KANK1: variants seen among roughly 807,000 people sequenced by gnomAD.
KANK1 encodes the protein KN motif and ankyrin repeat domain-containing protein 1.
Under a neutral mutation model 106.2 loss-of-function variants are expected in KANK1, and 109 were observed. The observed-to-expected ratio is 1.03, with a 90% confidence interval of 0.88 to 1.20. The LOEUF is 1.20. Ranked by LOEUF, KANK1 falls within the 50% of genes most tolerant of loss-of-function variation. KANK1 has a pLI of 0.00. For missense variants in KANK1, 2,399 were observed against 1,710.7 expected, an observed-to-expected ratio of 1.40 and a Z score of -7.10; for synonymous variants, 873 against 652.2, an observed-to-expected ratio of 1.34 and a Z score of -5.16.
chr9:548,713 T>C (rs1280497805), intron 1 of KANK1, among the ~76,000 whole-genome samples: 2 of 152,190 alleles, frequency 1.3e-5, no homozygotes, highest in Non-Finnish European at 2.9e-5. Flanking sequence ...TCTCTGGGAA[T>C]TGAATTTAAT....
chr9:551,896 AAAAT>A (rs1200488813), intron 1 of KANK1, among the ~76,000 whole-genome samples: 1 of 151,956 alleles, frequency 6.6e-6, no homozygotes, highest in Non-Finnish European at 1.5e-5. Context: ...AAAAAAAAAA[AAAAT>A]CAAAAATTAG....
At chr9:589,179 A>T (rs1381710630) in intron 1 of KANK1, among the ~76,000 whole-genome samples, 1 of 152,192 alleles carries the variant, frequency 6.6e-6, no homozygotes, top group Non-Finnish European at 1.5e-5. Context: ...ATCTCATTCG[A>T]TCCTCACAAC....
At chr9:515,521 G>C (rs1360727388) in intron 1 of KANK1, among the ~76,000 whole-genome samples, 1 of 151,734 alleles carries the variant, frequency 6.6e-6, no homozygotes, top group Non-Finnish European at 1.5e-5. Flanking sequence ...AAGAACAGAA[G>C]TTTATGGATA....
At chr9:579,956 C>G (rs1460466686) in intron 1 of KANK1, among the ~76,000 whole-genome samples, 1 of 152,112 alleles carries the variant, frequency 6.6e-6, no homozygotes, top group Non-Finnish European at 1.5e-5. Flanking sequence ...TCTGCTGTCT[C>G]CAGTGATGCT....
At chr9:732,177 G>A in intron 5 of KANK1, 2 of 543,366 alleles carry the variant, frequency 3.7e-6, no homozygotes, top group East Asian at 6.0e-5. Context: ...TTGGTTATAT[G>A]ATACCGATAA....
In KANK1 at chr9:590,610, T is replaced by G. The variant is rs796619913; in HGVS notation, c.-84+85856T>G. On this transcript the variant is annotated intron_variant, in intron 1 of 11. Transcript: ENST00000382297. ...TAAAAATATGTAACTTTACCACCATTAAATAACCACTGTTTATATTCTTCC... is the reference window on the plus strand; with the variant it reads ...TAAAAATATGTAACTTTACCACCATGAAATAACCACTGTTTATATTCTTCC... 1.1e-4 allele frequency among the ~76,000 whole-genome samples: 16 copies of G among 148,528 alleles called. 1 individual carries two copies. Among genetic ancestry groups the G allele is most frequent in the African/African-American group, 4.1e-4 (16 of 38,556 alleles).
chr9:665,577 A>T (rs1479316127), intron 1 of KANK1, among the ~76,000 whole-genome samples: 1 of 152,170 alleles, frequency 6.6e-6, no homozygotes, highest in Non-Finnish European at 1.5e-5. Context: ...ATAGCCTTGT[A>T]GTATATTTTT....
intron 2 of KANK1, among the ~76,000 whole-genome samples, chr9:703,211 C>A (rs1044451827): frequency 1.3e-5 from 2 of 152,038 alleles, no homozygotes; most frequent in African/African-American, 2.4e-5. Flanking sequence ...AGGCTGGTCT[C>A]GAACTCCTGA....
intron 1 of KANK1, among the ~76,000 whole-genome samples, chr9:663,669 A>G (rs1195133676): frequency 6.6e-6 from 1 of 152,184 alleles, no homozygotes; most frequent in South Asian, 2.1e-4. Flanking sequence ...TTTCTTGGAA[A>G]GAAACTCTGG....
intron 1 of KANK1, among the ~76,000 whole-genome samples, chr9:581,511 T>C (rs1822149043): frequency 2.0e-5 from 1 of 51,232 alleles, no homozygotes; most frequent in African/African-American, 1.2e-4. Flanking sequence ...GGTTACTAGC[T>C]ATGAACCATT....
chr9:564,203 A>G (rs2134516954), intron 1 of KANK1, among the ~76,000 whole-genome samples: 1 of 151,440 alleles, frequency 6.6e-6, no homozygotes, highest in South Asian at 2.1e-4. Context: ...GGGATTACAG[A>G]CGCCCGCCAC....
intron 2 of KANK1, among the ~76,000 whole-genome samples, chr9:687,646 GATATCTTTCCCAT>G (rs1370411017): frequency 6.6e-6 from 1 of 152,008 alleles, no homozygotes; most frequent in Admixed American, 6.6e-5. Flanking sequence ...TCTTGACCTG[GATATCTTTCCCAT>G]ATCTATTAAT....
intron 3 of KANK1, among the ~76,000 whole-genome samples, chr9:716,022 A>T (rs926581507): frequency 2.6e-5 from 4 of 152,210 alleles, no homozygotes; most frequent in Non-Finnish European, 5.9e-5. Context: ...GTATTTCTGA[A>T]CCAAAAGATA....
chr9:607,806 GA>G (rs1225315976), intron 1 of KANK1, among the ~76,000 whole-genome samples: 7 of 151,540 alleles, frequency 4.6e-5, no homozygotes, highest in African/African-American at 1.5e-4. Flanking sequence ...TTTAGGCAAA[GA>G]AAAAAAGCGC....
intron 3 of KANK1, among the ~76,000 whole-genome samples, chr9:494,580 T>C (rs1424923058): frequency 6.6e-6 from 1 of 152,140 alleles, no homozygotes; most frequent in Admixed American, 6.5e-5. Context: ...TAACTTTCTC[T>C]CTCTCCCCAC....
chr9:679,646 T>A (rs1258793027), intron 2 of KANK1, among the ~76,000 whole-genome samples: 3 of 152,138 alleles, frequency 2.0e-5, no homozygotes, highest in Non-Finnish European at 2.9e-5. Flanking sequence ...AACTCATGAC[T>A]TCAGGTGATC....
At position 629,077 on chromosome 9, in the gene KANK1, C is replaced by CAAAAAA. The variant is rs34834497; in HGVS notation, c.-83-47801_-83-47796dup. 4.8e-3 allele frequency among the ~76,000 whole-genome samples: 633 copies of CAAAAAA among 132,620 alleles called. 2 individuals are homozygous for CAAAAAA. The highest frequency in any genetic ancestry group is 6.1e-3 in the Admixed American group (79 of 12,894). The allele number at this position is 132,620 out of a possible 152,430, so 87.0% of individuals were successfully genotyped here. A position where few individuals can be genotyped will look rare whatever the true frequency, so the allele number is the denominator to read the frequency against. ...CTGGGCAACAGGGCACAACTGTTTCCAAAAAAAAAAAAAAAAATCCCATCT... is the reference window on the plus strand; with the variant it reads ...CTGGGCAACAGGGCACAACTGTTTCCAAAAAAAAAAAAAAAAAAAAAAATCCCATCT... On this transcript the variant is annotated intron_variant, in intron 1 of 11. Coordinates refer to ENST00000382297, the MANE Select transcript of KANK1 (RefSeq NM_015158.5).
At chr9:576,775 A>G (rs1820675706) in intron 1 of KANK1, among the ~76,000 whole-genome samples, 1 of 151,462 alleles carries the variant, frequency 6.6e-6, no homozygotes, top group Non-Finnish European at 1.5e-5. Flanking sequence ...TTTTTTGCAA[A>G]CCATGACATT....
chr9:636,596 G>C (rs781753086), intron 1 of KANK1, among the ~76,000 whole-genome samples: 1 of 152,148 alleles, frequency 6.6e-6, no homozygotes, highest in Non-Finnish European at 1.5e-5. Context: ...GGCTGGGTGC[G>C]GTGGCTCACA....
Sources: gnomAD v4.1 joint callset for allele counts (sites outside exome capture counted in the v4.1 genomes callset) on GRCh38, gnomAD v4.1.1 for gene constraint, MANE v1.5 for transcripts, NCBI Gene and HGNC (gene_info 2026-07-23, HGNC 2026-07-21) for gene names.